SUSD5: variants seen among roughly 807,000 people sequenced by gnomAD.
SUSD5 encodes sushi domain containing 5, also known as sushi domain-containing protein 5.
Under a neutral mutation model 29.5 loss-of-function variants are expected in SUSD5, and 33 were observed. That is an observed-to-expected ratio of 1.12 (90% confidence interval 0.85 to 1.49). The LOEUF is 1.49. Ranked by LOEUF, SUSD5 falls within the 40% of genes most tolerant of loss-of-function variation. SUSD5 has a pLI of 0.00. For missense variants in SUSD5, 776 were observed against 800.6 expected (o/e 0.97, Z 0.37); for synonymous variants, 308 against 325.3 (o/e 0.95, Z 0.57).
Position 33,214,004 on chromosome 3 carries a change from C to G in SUSD5, c.214G>C (p.Asp72His), listed in dbSNP as rs1231419681. 1 of 1,613,880 alleles carries G rather than the reference C, an allele frequency of 6.2e-7. No individual in the cohort carries two copies. The highest frequency in any genetic ancestry group is 8.5e-7 in the Non-Finnish European group (1 of 1,179,834). ...TCCTGTACCACTCTCCGCAGCTCGT[C>G]TGCAGATGCCAGGTGAGCGCCCCTG... ...KSRGAHLASADELRRVVQDCS... is the reference protein window; with the variant it reads ...KSRGAHLASAHELRRVVQDCS... Residue 72 changes from aspartate (D) to histidine (H), a missense_variant, in exon 2 of 5, where the codon GAC (aspartate) becomes CAC (histidine). Physicochemically the swap from Asp to His is moderately conservative, Grantham distance 81 (BLOSUM62 -1). Coordinates refer to ENST00000309558, the MANE Select transcript of SUSD5 (RefSeq NM_015551.2).
chr3:33,209,282 C>CT (rs1359172370), intron 2 of SUSD5, among the ~76,000 whole-genome samples: 1 of 152,070 alleles, frequency 6.6e-6, no homozygotes, highest in Non-Finnish European at 1.5e-5. Context: ...TTGTATTTGT[C>CT]TTACTTGAGC....
rs945560901 is a variant in SUSD5 at position 33,152,662 on chromosome 3, A to G, written c.*80T>C. 1 of 1,419,356 alleles carries G rather than the reference A, an allele frequency of 7.0e-7. No individual in the cohort carries two copies. Among genetic ancestry groups the G allele is most frequent in the Admixed American group, 2.4e-5 (1 of 41,222 alleles). 87.9% of individuals were successfully genotyped at this position (1,419,356 alleles called of 1,614,324 possible). ...TGATGAGCCTCAGTCCACCTGCGTC[A>G]TGCTCTAGTGAATTATCGTGTGATG... is the stretch of plus-strand genomic sequence containing the variant. On this transcript the variant is annotated 3_prime_UTR_variant, in exon 5 of 5. Transcript: ENST00000309558.
At chr3:33,191,146 T>C (rs1425472382) in intron 3 of SUSD5, among the ~76,000 whole-genome samples, 2 of 152,048 alleles carry the variant, frequency 1.3e-5, no homozygotes, top group Admixed American at 6.5e-5. Flanking sequence ...TTTTTTTTTT[T>C]TGAGATGGAG....
rs1467257248 is a variant in SUSD5 at position 33,213,869 on chromosome 3, A to G, written c.290+59T>C. 19 of 1,527,924 alleles carry G rather than the reference A, an allele frequency of 1.2e-5. 1 individual carries two copies. The Middle Eastern group carries it at 9.6e-4, about 77-fold the overall frequency. The allele number at this position is 1,527,924 out of a possible 1,614,324, so 94.6% of individuals were successfully genotyped here. ...CTCAACAGAACAATTACTGAGTCCT[A>G]TATAAGCCTTGGTGGTGCAACTGGG... is the stretch of plus-strand genomic sequence containing the variant. On this transcript the variant is annotated intron_variant, in intron 2 of 4. Coordinates refer to ENST00000309558, the MANE Select transcript of SUSD5 (RefSeq NM_015551.2).
intron 3 of SUSD5, among the ~76,000 whole-genome samples, chr3:33,195,758 C>T (rs1241415829): frequency 9.3e-6 from 1 of 108,026 alleles, no homozygotes; most frequent in Non-Finnish European, 2.0e-5. Context: ...AAAAAAAAAA[C>T]AGAATGCAAT....
At chr3:33,157,896 A>C (rs776825991) in intron 4 of SUSD5, among the ~76,000 whole-genome samples, 18 of 152,380 alleles carry the variant, frequency 1.2e-4, no homozygotes, top group Middle Eastern at 3.4e-3. Context: ...GAACTGGAGC[A>C]GAATAAATTG....
In SUSD5 at chr3:33,154,074, C is replaced by A. The variant is rs190716769; in HGVS notation, c.599-41G>T. 1.9e-5 allele frequency: 28 copies of A among 1,486,458 alleles called. No individual in the cohort carries two copies. In the East Asian group the frequency reaches 5.7e-4, roughly 30 times the overall value. 92.1% of individuals were successfully genotyped at this position (1,486,458 alleles called of 1,614,324 possible). The stretch of plus-strand genomic sequence containing the variant: ...GAAAAAACCTCATTAGCTCCAAAGG[C>A]ACAGAGCCAGTATAGAACATAAGAA... On this transcript the variant is annotated intron_variant, in intron 4 of 4. Transcript: ENST00000309558.
Position 33,152,540 on chromosome 3 carries a change from ACATT to A in SUSD5, c.*198_*201del, listed in dbSNP as rs2030925064. On this transcript the variant is annotated 3_prime_UTR_variant, in exon 5 of 5. Transcript: ENST00000309558. ...AATTCCAGGGCAGATGGTGGAGGAGACATTGACATGAGTGATGATGTCACCAAAG... is the reference window on the plus strand; with the variant it reads ...AATTCCAGGGCAGATGGTGGAGGAGAGACATGAGTGATGATGTCACCAAAG... 1.4e-5 allele frequency: 8 copies of A among 582,826 alleles called. No homozygotes were observed. Among genetic ancestry groups the A allele is most frequent in the Non-Finnish European group, 2.1e-5 (7 of 332,620 alleles). The allele number at this position is 582,826 out of a possible 1,614,324, so 36.1% of individuals were successfully genotyped here. A position where few individuals can be genotyped will look rare whatever the true frequency, so the allele number is the denominator to read the frequency against.
intron 3 of SUSD5, among the ~76,000 whole-genome samples, chr3:33,205,094 T>G (rs892998596): frequency 7.9e-5 from 12 of 152,088 alleles, no homozygotes; most frequent in African/African-American, 2.9e-4. Flanking sequence ...ACATATGACG[T>G]CCCTTTGTCC....
At position 33,153,804 on chromosome 3, in the gene SUSD5, C is replaced by T; in HGVS notation, c.828G>A (p.Gly276=). The T allele has an allele frequency of 1.2e-6, 2 of 1,614,004 alleles. No homozygotes were observed. Among genetic ancestry groups the T allele is most frequent in the Middle Eastern group, 1.6e-4 (1 of 6,062 alleles). The change falls in exon 5 of 5, where the codon GGG becomes GGA. Residue 276 remains glycine (G), a synonymous_variant. Coordinates refer to ENST00000309558, the MANE Select transcript of SUSD5 (RefSeq NM_015551.2). ...CTGGTGAATCTGCGGGGACACTGCT[C>T]CCAGCACCAGGCAAGCCTGTGGTTG... ...FVPTTGLPGA[G]SSVPADSPGS...
At chr3:33,166,848 A>G (rs1175717296) in intron 4 of SUSD5, among the ~76,000 whole-genome samples, 1 of 152,150 alleles carries the variant, frequency 6.6e-6, no homozygotes, top group African/African-American at 2.4e-5. Flanking sequence ...AGTATTGGGG[A>G]TAATCAATGT....
rs761522971 is a variant in SUSD5 at position 33,153,302 on chromosome 3, C to T, written c.1330G>A (p.Val444Met). 6 of 1,613,956 alleles carry T rather than the reference C, an allele frequency of 3.7e-6. No individual in the cohort carries two copies. The highest frequency in any genetic ancestry group is 5.1e-6 in the Non-Finnish European group (6 of 1,179,872). The change falls in exon 5 of 5, where the codon GTG becomes ATG. Residue 444 changes from valine (V) to methionine (M), a missense_variant. Coordinates refer to ENST00000309558, the MANE Select transcript of SUSD5 (RefSeq NM_015551.2). ...ACGGGTCTGAGCGCCAAAGCTTCCA[C>T]ATCTAGCATTTGAGATGGAAGAACT... ...SSVLPSQMLD[V>M]EALALRPVNA...
At chr3:33,156,322 A>C (rs2125613630) in intron 4 of SUSD5, among the ~76,000 whole-genome samples, 1 of 152,292 alleles carries the variant, frequency 6.6e-6, no homozygotes, top group East Asian at 1.9e-4. Flanking sequence ...TACAGGCATG[A>C]GTCACCGCGC....
chr3:33,199,240 A>G (rs1188370053), intron 3 of SUSD5, among the ~76,000 whole-genome samples: 2 of 151,700 alleles, frequency 1.3e-5, no homozygotes, highest in African/African-American at 4.8e-5. Context: ...ACACACACAC[A>G]CACACACGTT....
In SUSD5 at chr3:33,175,057, G is replaced by A. The variant is rs764739657; in HGVS notation, c.427C>T (p.Pro143Ser). ...IKDEEKPCGD[P>S]PSFPHTILQG... ...AGGATGGTGTGTGGGAACGAAGGCG[G>A]GTCTCCACACGGCTTCTCTGAGGAG... is the stretch of plus-strand genomic sequence containing the variant. Residue 143 changes from proline to serine, a missense_variant, in exon 4 of 5, where the codon CCG becomes TCG. Pro to Ser is a moderately conservative substitution (Grantham distance 74). Coordinates refer to ENST00000309558, the MANE Select transcript of SUSD5 (RefSeq NM_015551.2). The A allele has an allele frequency of 6.2e-6, 10 of 1,613,872 alleles. No homozygotes were observed. In the East Asian group the frequency reaches 1.8e-4, roughly 29 times the overall value.
Position 33,152,799 on chromosome 3 carries a change from A to G in SUSD5, c.1833T>C (p.Asn611=). 1.2e-6 allele frequency: 2 copies of G among 1,613,950 alleles called. No homozygotes were observed. The highest frequency in any genetic ancestry group is 1.1e-5 in the South Asian group (1 of 91,082). ...CQHKSSVYKL[N]VGQRQARHYH... ...AGTGCCGAGCCTGCCGCTGGCCAAC[A>G]TTCAGCTTGTACACAGAGCTCTTGT... is the stretch of plus-strand genomic sequence containing the variant. Residue 611 remains asparagine, a synonymous_variant, in exon 5 of 5, where the codon AAT becomes AAC. Coordinates refer to ENST00000309558, the MANE Select transcript of SUSD5 (RefSeq NM_015551.2).
Position 33,213,969 on chromosome 3 carries a change from A to T in SUSD5, c.249T>A (p.Phe83Leu). The change falls in exon 2 of 5, where the codon TTT becomes TTA. Residue 83 changes from phenylalanine to leucine, a missense_variant. Physicochemically the swap from Phe to Leu is conservative, Grantham distance 22. Transcript: ENST00000309558. ...ELRRVVQDCS[F>L]AVCTTGWLAD... ...CTAGCCAGCCAGTGGTGCACACCGC[A>T]AAGGAGCAATCCTGTACCACTCTCC... 1 of 1,612,420 alleles carries T rather than the reference A, an allele frequency of 6.2e-7. No individual in the cohort carries two copies. The highest frequency in any genetic ancestry group is 8.5e-7 in the Non-Finnish European group (1 of 1,179,164).
chr3:33,187,785 T>C (rs148868341), intron 3 of SUSD5, among the ~76,000 whole-genome samples: 2,117 of 151,648 alleles, frequency 0.014, 41 homozygotes, highest in African/African-American at 0.048. Context: ...GTATATCTCC[T>C]AATGCTATCC....
At chr3:33,187,672 C>CT (rs747988806) in intron 3 of SUSD5, among the ~76,000 whole-genome samples, 1 of 146,336 alleles carries the variant, frequency 6.8e-6, no homozygotes, top group Non-Finnish European at 1.5e-5. Flanking sequence ...TTTTTTTATA[C>CT]TTTAAGTTTT....
Sources: gnomAD v4.1 joint callset for allele counts (sites outside exome capture counted in the v4.1 genomes callset) on GRCh38, gnomAD v4.1.1 for gene constraint, MANE v1.5 for transcripts, NCBI Gene and HGNC (gene_info 2026-07-23, HGNC 2026-07-21) for gene names.